The following KCNMA1 variants were observed in gnomAD, a reference collection of about 807,000 sequenced individuals.
KCNMA1 encodes the protein Calcium-activated potassium channel subunit alpha-1.
Under a neutral mutation model 140.0 loss-of-function variants are expected in KCNMA1, and 29 were observed. That is an observed-to-expected ratio of 0.21 (90% CI 0.15 to 0.28). The LOEUF (loss-of-function observed/expected upper bound fraction) is 0.28. KCNMA1 is among the 10% of genes least tolerant of loss of function. KCNMA1 has a pLI of 1.00. For missense variants in KCNMA1, 880 were observed against 1,602.2 expected (o/e 0.55, Z 7.70); for synonymous variants, 612 against 611.9 (o/e 1.00, Z 0.00).
At chr10:77,002,669 CAG>C (rs1256971078) in intron 18 of KCNMA1, among the ~76,000 whole-genome samples, 1 of 152,184 alleles carries the variant, frequency 6.6e-6, no homozygotes, top group African/African-American at 2.4e-5. Flanking sequence ...TGTTGGAAGT[CAG>C]CATCGTAGTT....
downstream of KCNMA1, chr10:76,873,011 G>T (rs1011883605): frequency 3.3e-5 from 5 of 152,018 alleles, no homozygotes. Flanking sequence ...GCTACAGGTG[G>T]TCTAAGTCAG....
chr10:76,909,649 C>A (rs2049290030), intron 25 of KCNMA1, among the ~76,000 whole-genome samples: 1 of 152,102 alleles, frequency 6.6e-6, no homozygotes, highest in African/African-American at 2.4e-5. Flanking sequence ...CCAAGATCTC[C>A]CCTCTTTATG....
intron 1 of KCNMA1, among the ~76,000 whole-genome samples, chr10:77,484,011 G>A (rs943132692): frequency 3.3e-5 from 5 of 152,196 alleles, no homozygotes; most frequent in African/African-American, 1.2e-4. Context: ...ACCAGGGTGG[G>A]AGGGGCCAAA....
At chr10:77,357,967 C>T (rs572560587) in intron 2 of KCNMA1, among the ~76,000 whole-genome samples, 1 of 152,166 alleles carries the variant, frequency 6.6e-6, no homozygotes, top group Non-Finnish European at 1.5e-5. Flanking sequence ...AATCAGCTTA[C>T]AGTCAGAGGG....
intron 18 of KCNMA1, among the ~76,000 whole-genome samples, chr10:77,009,979 T>C (rs1230142711): frequency 6.6e-6 from 1 of 152,176 alleles, no homozygotes; most frequent in East Asian, 1.9e-4. Context: ...GGACTTTACC[T>C]TGTTGACCAC....
intron 3 of KCNMA1, among the ~76,000 whole-genome samples, chr10:77,200,097 C>T (rs1351948275): frequency 2.0e-5 from 3 of 152,072 alleles, no homozygotes; most frequent in Non-Finnish European, 2.9e-5. Context: ...ACTACAGGCG[C>T]CTGCCACCAT....
At chr10:77,494,589 C>T (rs1303181998) in intron 1 of KCNMA1, among the ~76,000 whole-genome samples, 1 of 152,234 alleles carries the variant, frequency 6.6e-6, no homozygotes, top group Non-Finnish European at 1.5e-5. Context: ...ATGGGGAGGC[C>T]TTGCCAACCC....
At chr10:77,566,206 C>A (rs2068248274) in intron 1 of KCNMA1, among the ~76,000 whole-genome samples, 1 of 152,158 alleles carries the variant, frequency 6.6e-6, no homozygotes, top group Non-Finnish European at 1.5e-5. Flanking sequence ...ATCCCATTGA[C>A]AGAAAGCTGC....
intron 24 of KCNMA1, chr10:76,914,289 C>T: frequency 1.6e-6 from 1 of 637,518 alleles, no homozygotes; most frequent in South Asian, 1.9e-5. Context: ...AGAGGCCACT[C>T]TACAGTTTTG....
At chr10:77,045,720 A>G (rs887815661) in intron 14 of KCNMA1, among the ~76,000 whole-genome samples, 3 of 152,154 alleles carry the variant, frequency 2.0e-5, no homozygotes, top group African/African-American at 7.2e-5. Flanking sequence ...GCTTCCTCTG[A>G]TTAGAGTGAA....
At chr10:77,631,644 G>T (rs912339208) in intron 1 of KCNMA1, among the ~76,000 whole-genome samples, 2 of 152,182 alleles carry the variant, frequency 1.3e-5, no homozygotes, top group African/African-American at 4.8e-5. Context: ...ATGAGAGAGA[G>T]AGAAAGAGAG....
intron 2 of KCNMA1, among the ~76,000 whole-genome samples, chr10:77,272,085 T>A (rs1249766503): frequency 6.6e-6 from 1 of 152,210 alleles, no homozygotes; most frequent in African/African-American, 2.4e-5. Context: ...AGCACTGGCC[T>A]GTCCCCTCAC....
At chr10:77,295,787 C>CAAAAAAAAAAAAAAAAAAAAAAAAA (rs36034012) in intron 2 of KCNMA1, among the ~76,000 whole-genome samples, 1 of 43,246 alleles carries the variant, frequency 2.3e-5, no homozygotes, top group African/African-American at 8.5e-5. Context: ...GACTCCGTCT[C>CAAAAAAAAAAAAAAAAAAAAAAAAA]AAAAAAAAAA....
At chr10:76,982,034 G>A (rs1211703378) in intron 19 of KCNMA1, among the ~76,000 whole-genome samples, 1 of 152,128 alleles carries the variant, frequency 6.6e-6, no homozygotes, top group Non-Finnish European at 1.5e-5. Flanking sequence ...TTTCCTGGGG[G>A]GATGAGCATT....
chr10:76,930,301 A>T (rs1188666276), intron 23 of KCNMA1: 1 of 152,220 alleles, frequency 6.6e-6, no homozygotes, highest in East Asian at 1.9e-4. Flanking sequence ...TAACCTGATT[A>T]AGAAATGGGC....
intron 2 of KCNMA1, among the ~76,000 whole-genome samples, chr10:77,308,698 C>T (rs183604681): frequency 3.0e-4 from 46 of 152,294 alleles, no homozygotes; most frequent in Non-Finnish European, 5.3e-4. Flanking sequence ...GGTTTCTCCA[C>T]CGCCATGCAG....
intron 3 of KCNMA1, among the ~76,000 whole-genome samples, chr10:77,244,362 T>C (rs1001405975): frequency 6.6e-6 from 1 of 152,208 alleles, no homozygotes; most frequent in African/African-American, 2.4e-5. Context: ...AGTCCTCCTG[T>C]CCTTTCCTAG....
intron 14 of KCNMA1, 26 bp downstream of exon 14, chr10:77,073,071 T>A: frequency 6.8e-6 from 11 of 1,610,824 alleles, no homozygotes; most frequent in Non-Finnish European, 9.3e-6. Context: ...CCCGAGCTAA[T>A]GTGCTCTAAT....
At chr10:77,569,769 C>T (rs1411778720) in intron 1 of KCNMA1, among the ~76,000 whole-genome samples, 1 of 152,098 alleles carries the variant, frequency 6.6e-6, no homozygotes, top group East Asian at 1.9e-4. Context: ...TTCTGCACAG[C>T]AAAAGAAATT....
Sources: allele counts gnomAD v4.1 joint callset (sites outside exome capture counted in the v4.1 genomes callset), GRCh38; gene constraint gnomAD v4.1.1; transcripts MANE v1.5; gene names NCBI Gene and HGNC (gene_info 2026-07-23, HGNC 2026-07-21).